PRKG1: variants seen among roughly 807,000 people sequenced by gnomAD.
The protein encoded by PRKG1 is protein kinase cGMP-dependent 1, also known as cGMP-dependent protein kinase 1.
PRKG1 carries 35 observed loss-of-function variants against 88.1 expected under a neutral mutation model. The ratio of observed to expected loss-of-function variants is 0.40; its 90% CI spans 0.30 to 0.53. The LOEUF (loss-of-function observed/expected upper bound fraction) is 0.53. PRKG1 is among the 20% of genes least tolerant of loss of function. The pLI is 0.59. For synonymous variants in PRKG1, 303 were observed against 292.5 expected, an observed-to-expected ratio of 1.04 and a Z score of -0.37; for missense variants, 540 against 839.8, an observed-to-expected ratio of 0.64 and a Z score of 4.41.
chr10:52,127,168 A>C (rs953695030), intron 7 of PRKG1, among the ~76,000 whole-genome samples: 7 of 152,186 alleles, frequency 4.6e-5, no homozygotes, highest in Non-Finnish European at 7.3e-5. Context: ...ATATGACCAA[A>C]TATACACAAG....
chr10:51,581,561 G>A (rs7896299), intron 3 of PRKG1, among the ~76,000 whole-genome samples: 10,506 of 152,140 alleles, frequency 0.069, 1,196 homozygotes, highest in African/African-American at 0.24. Flanking sequence ...TCTGGGATAG[G>A]AATCTTGGTG....
chr10:51,881,641 G>A (rs747940321), intron 4 of PRKG1, among the ~76,000 whole-genome samples: 1 of 152,174 alleles, frequency 6.6e-6, no homozygotes, highest in Non-Finnish European at 1.5e-5. Flanking sequence ...GGCCAGCCCA[G>A]GTTTAAGGGG....
At chr10:52,249,463 T>A (rs934063452) in intron 9 of PRKG1, among the ~76,000 whole-genome samples, 1 of 152,006 alleles carries the variant, frequency 6.6e-6, no homozygotes, top group Non-Finnish European at 1.5e-5. Context: ...TGGCAAGGCT[T>A]AAATTAATTG....
intron 9 of PRKG1, among the ~76,000 whole-genome samples, chr10:52,170,528 A>C (rs2132707584): frequency 6.6e-6 from 1 of 152,236 alleles, no homozygotes; most frequent in African/African-American, 2.4e-5. Context: ...ATTGCCACTA[A>C]AAAAAGAAGT....
chr10:51,412,223 G>A (rs1838113536), intron 2 of PRKG1, among the ~76,000 whole-genome samples: 1 of 136,512 alleles, frequency 7.3e-6, no homozygotes, highest in Admixed American at 7.5e-5. Context: ...GAAAGAAAGA[G>A]AGAAAGAATT....
chr10:52,191,550 T>C (rs183074093), intron 9 of PRKG1, among the ~76,000 whole-genome samples: 90 of 152,310 alleles, frequency 5.9e-4, no homozygotes, highest in African/African-American at 2.1e-3. Flanking sequence ...ATCATCTACG[T>C]TCCTCTTGAT....
In PRKG1 at chr10:51,657,746, G is replaced by C. The variant is rs555279001; in HGVS notation, c.593-146839G>C. 2.6e-5 allele frequency among the ~76,000 whole-genome samples: 4 copies of C among 152,246 alleles called. No homozygotes were observed. The South Asian group carries it at 8.3e-4, about 32-fold the overall frequency. On this transcript the variant is annotated intron_variant, in intron 3 of 17. Coordinates refer to ENST00000373980, the MANE Select transcript of PRKG1 (RefSeq NM_006258.4). ...TTTGTGAAGAAATTTTTAGCCATGA[G>C]TTTCCAGTTATATTGGAACCCATTT...
At chr10:51,656,625 A>G (rs73341674) in intron 3 of PRKG1, among the ~76,000 whole-genome samples, 1 of 151,946 alleles carries the variant, frequency 6.6e-6, no homozygotes, top group Non-Finnish European at 1.5e-5. Context: ...ACTCATGTTC[A>G]TTTGCCTACT....
At chr10:51,714,668 G>A (rs1841843578) in intron 3 of PRKG1, among the ~76,000 whole-genome samples, 1 of 152,102 alleles carries the variant, frequency 6.6e-6, no homozygotes, top group African/African-American at 2.4e-5. Context: ...TCACCCAATG[G>A]CCATGACACT....
intron 3 of PRKG1, among the ~76,000 whole-genome samples, chr10:51,545,303 G>C (rs1010010794): frequency 6.6e-6 from 1 of 152,056 alleles, no homozygotes; most frequent in East Asian, 1.9e-4. Context: ...TTTGAAAGGA[G>C]TTTCTTTTAT....
intron 2 of PRKG1, among the ~76,000 whole-genome samples, chr10:51,451,151 G>A (rs1197461407): frequency 6.6e-6 from 1 of 151,646 alleles, no homozygotes; most frequent in Non-Finnish European, 1.5e-5. Context: ...TTACTAATAG[G>A]TGTTATTTCT....
intron 2 of PRKG1, 72 bp downstream of exon 2, chr10:51,153,402 C>A: frequency 7.4e-7 from 1 of 1,344,464 alleles, no homozygotes; most frequent in Non-Finnish European, 9.9e-7. Context: ...ACACAGATGG[C>A]AATGCATTAC....
upstream of PRKG1, among the ~76,000 whole-genome samples, chr10:51,071,023 G>A (rs1373191702): frequency 6.6e-6 from 1 of 152,282 alleles, no homozygotes; most frequent in Middle Eastern, 3.4e-3. Flanking sequence ...TATCCCTGAA[G>A]GAATCTGAGG....
chr10:51,148,279 A>G (rs1447509228), intron 1 of PRKG1: 2 of 984,810 alleles, frequency 2.0e-6, no homozygotes, highest in African/African-American at 1.7e-5. Flanking sequence ...TGTGAAAATC[A>G]TTTATTGCTT....
intron 3 of PRKG1, among the ~76,000 whole-genome samples, chr10:51,512,173 T>C (rs1841430763): frequency 1.3e-5 from 1 of 74,918 alleles, no homozygotes; most frequent in South Asian, 6.5e-4. Flanking sequence ...TCATTCTAAT[T>C]AATTTTTTTT....
At chr10:51,346,286 T>C (rs543988841) in intron 2 of PRKG1, among the ~76,000 whole-genome samples, 6 of 152,316 alleles carry the variant, frequency 3.9e-5, no homozygotes, top group African/African-American at 1.4e-4. Context: ...ATAACACATA[T>C]CTGTGTTGCT....
At chr10:51,427,739 A>AGAAT (rs2132719173) in intron 2 of PRKG1, among the ~76,000 whole-genome samples, 1 of 152,200 alleles carries the variant, frequency 6.6e-6, no homozygotes, top group East Asian at 1.9e-4. Context: ...CTCCAGCTTC[A>AGAAT]CCCCAGAATC....
At chr10:51,900,365 T>G (rs1841953797) in intron 4 of PRKG1, among the ~76,000 whole-genome samples, 1 of 152,214 alleles carries the variant, frequency 6.6e-6, no homozygotes. Flanking sequence ...AGTTGCAATA[T>G]GGACTCTGAA....
chr10:52,105,651 G>C (rs1847401617), intron 7 of PRKG1, among the ~76,000 whole-genome samples: 1 of 151,964 alleles, frequency 6.6e-6, no homozygotes, highest in Non-Finnish European at 1.5e-5. Flanking sequence ...AAGTTCAGGG[G>C]TACAAGTGCA....
Sources: allele counts gnomAD v4.1 joint callset (sites outside exome capture counted in the v4.1 genomes callset), GRCh38; gene constraint gnomAD v4.1.1; transcripts MANE v1.5; gene names NCBI Gene and HGNC (gene_info 2026-07-23, HGNC 2026-07-21).